Variants in CREBL2 observed in about 807,000 individuals in gnomAD.
The protein encoded by CREBL2 is cAMP responsive element binding protein like 2, also known as cAMP-responsive element-binding protein-like 2.
In CREBL2, 4 loss-of-function variants were observed where a neutral mutation model predicts 19.5. The ratio of observed to expected loss-of-function variants is 0.20; its 90% CI spans 0.10 to 0.47. CREBL2 has a LOEUF of 0.47. Ranked by LOEUF, CREBL2 falls within the 20% of genes least tolerant of loss-of-function variation. CREBL2 has a pLI of 0.98. For missense variants in CREBL2, 85 were observed against 145.1 expected (o/e 0.59, Z 2.13); for synonymous variants, 42 against 46.6 (o/e 0.90, Z 0.40).
Position 12,637,668 on chromosome 12 carries a change from A to G in CREBL2, c.312A>G (p.Ser104=), listed in dbSNP as rs558505690. 3 of 1,613,432 alleles carry G rather than the reference A, an allele frequency of 1.9e-6. No homozygotes were observed. The East Asian group carries it at 6.7e-5, about 36-fold the overall frequency. ...GEEQNKSQQN[S]SRHTKAGKTD... ...AGCAGAACAAATCTCAGCAGAACTC[A>G]AGCAGGCATACCAAGGCTGGGAAGA... The change falls in exon 3 of 4, where the codon TCA becomes TCG. Residue 104 remains serine (S), a synonymous_variant. Coordinates refer to ENST00000228865, the MANE Select transcript of CREBL2 (RefSeq NM_001310.4).
chr12:12,631,982 A>G (rs1173239626), intron 1 of CREBL2, among the ~76,000 whole-genome samples: 1 of 151,744 alleles, frequency 6.6e-6, no homozygotes, highest in Non-Finnish European at 1.5e-5. Flanking sequence ...GTTAAGCTAG[A>G]GAAGTGGTGA....
intron 1 of CREBL2, among the ~76,000 whole-genome samples, chr12:12,631,145 A>G (rs1481108150): frequency 6.6e-6 from 1 of 152,220 alleles, no homozygotes; most frequent in African/African-American, 2.4e-5. Context: ...ATGAAGACAG[A>G]CTTAGTATTT....
chr12:12,612,626 C>G (rs1338954101), intron 1 of CREBL2, among the ~76,000 whole-genome samples: 2 of 152,106 alleles, frequency 1.3e-5, no homozygotes, highest in Non-Finnish European at 2.9e-5. Flanking sequence ...TCAGTTCACT[C>G]CCCCTCTGAG....
chr12:12,635,080 A>T (rs1945464746), intron 1 of CREBL2, among the ~76,000 whole-genome samples: 1 of 152,016 alleles, frequency 6.6e-6, no homozygotes, highest in Non-Finnish European at 1.5e-5. Context: ...AAAGAAAAAA[A>T]AGTGGGGCCT....
chr12:12,641,246 TATTATTA>T (rs1217763801), intron 3 of CREBL2, among the ~76,000 whole-genome samples: 21 of 52,204 alleles, frequency 4.0e-4, no homozygotes, highest in African/African-American at 1.1e-3. Context: ...TTATTATTAT[TATTATTA>T]TTTTTTTTTA....
At chr12:12,612,603 C>T (rs900551448) in intron 1 of CREBL2, among the ~76,000 whole-genome samples, 16 of 152,098 alleles carry the variant, frequency 1.1e-4, no homozygotes, top group Non-Finnish European at 2.1e-4. Context: ...TACTCAATGC[C>T]CCATTCATAT....
At chr12:12,619,584 C>T (rs1463539228) in intron 1 of CREBL2, among the ~76,000 whole-genome samples, 1 of 150,252 alleles carries the variant, frequency 6.7e-6, no homozygotes, top group African/African-American at 2.4e-5. Flanking sequence ...GCACTCCAGC[C>T]TGGGCAGTGG....
intron 1 of CREBL2, among the ~76,000 whole-genome samples, chr12:12,621,168 A>G (rs1183809540): frequency 2.0e-5 from 3 of 152,240 alleles, no homozygotes; most frequent in Non-Finnish European, 2.9e-5. Context: ...GTATCATGAA[A>G]GCAACCATAA....
chr12:12,618,976 C>A (rs1370486517), intron 1 of CREBL2, among the ~76,000 whole-genome samples: 1 of 151,944 alleles, frequency 6.6e-6, no homozygotes, highest in African/African-American at 2.4e-5. Flanking sequence ...TGCAGTGAGC[C>A]GAGATGGCGG....
intron 3 of CREBL2, among the ~76,000 whole-genome samples, chr12:12,638,021 G>T (rs1037043756): frequency 2.0e-5 from 3 of 151,882 alleles, no homozygotes; most frequent in Admixed American, 6.6e-5. Context: ...TCAAAAGGGG[G>T]GAACAAAAAG....
chr12:12,618,108 C>T (rs934113050), intron 1 of CREBL2, among the ~76,000 whole-genome samples: 35 of 152,256 alleles, frequency 2.3e-4, no homozygotes, highest in African/African-American at 8.4e-4. Context: ...TCTTTCTTTT[C>T]CCCACATTTC....
intron 1 of CREBL2, among the ~76,000 whole-genome samples, chr12:12,632,170 C>T (rs574365251): frequency 3.3e-4 from 47 of 143,020 alleles, no homozygotes; most frequent in Non-Finnish European, 5.8e-4. Context: ...CTCCGCCTCC[C>T]GGGTTCACGC....
chr12:12,625,836 A>T (rs1945397382), intron 1 of CREBL2, among the ~76,000 whole-genome samples: 1 of 152,184 alleles, frequency 6.6e-6, no homozygotes, highest in Non-Finnish European at 1.5e-5. Flanking sequence ...AAATACATTA[A>T]GATTAAGTGT....
chr12:12,615,533 C>G (rs1177464113), intron 1 of CREBL2: 1 of 151,240 alleles, frequency 6.6e-6, no homozygotes, highest in Non-Finnish European at 1.5e-5. Context: ...GAGTCTTGCT[C>G]TGTCACCAGG....
At chr12:12,638,428 C>T (rs930910360) in intron 3 of CREBL2, among the ~76,000 whole-genome samples, 1 of 151,776 alleles carries the variant, frequency 6.6e-6, no homozygotes, top group African/African-American at 2.4e-5. Flanking sequence ...CAGAGTGAGA[C>T]CTCGTCTCAA....
chr12:12,639,784 G>A (rs1945503767), intron 3 of CREBL2, among the ~76,000 whole-genome samples: 1 of 152,200 alleles, frequency 6.6e-6, no homozygotes, highest in African/African-American at 2.4e-5. Flanking sequence ...TGGGCCGCCA[G>A]GGGTGACATC....
intron 1 of CREBL2, among the ~76,000 whole-genome samples, chr12:12,634,334 G>T (rs1338480230): frequency 6.6e-6 from 1 of 152,162 alleles, no homozygotes; most frequent in East Asian, 1.9e-4. Context: ...AATTACTTTG[G>T]CAGTCACCTA....
intron 3 of CREBL2, among the ~76,000 whole-genome samples, chr12:12,640,060 A>G (rs760768776): frequency 2.6e-5 from 4 of 152,224 alleles, no homozygotes; most frequent in Admixed American, 6.5e-5. Flanking sequence ...ATAAGGGTCT[A>G]TGTTCAGCAG....
At chr12:12,619,059 A>G (rs1469081521) in intron 1 of CREBL2, among the ~76,000 whole-genome samples, 2 of 151,418 alleles carry the variant, frequency 1.3e-5, no homozygotes, top group African/African-American at 4.9e-5. Flanking sequence ...GGAGAGGGAG[A>G]GGAGGGAGAG....
Sources: gnomAD v4.1 joint callset for allele counts (sites outside exome capture counted in the v4.1 genomes callset) on GRCh38, gnomAD v4.1.1 for gene constraint, MANE v1.5 for transcripts, NCBI Gene and HGNC (gene_info 2026-07-23, HGNC 2026-07-21) for gene names.